Variants in TMEM132E observed in about 807,000 individuals in gnomAD.
The protein encoded by TMEM132E is transmembrane protein 132E.
A neutral mutation model predicts 78.5 loss-of-function variants in TMEM132E; 49 were observed. The ratio of observed to expected loss-of-function variants is 0.62; its 90% CI spans 0.50 to 0.79. The LOEUF (loss-of-function observed/expected upper bound fraction) is 0.79. Among genes scored for constraint, TMEM132E ranks in the 30% least tolerant of loss-of-function variants. The probability of loss-of-function intolerance (pLI) is 0.00; values close to 1 mark genes in which losing one functional copy is unlikely to be tolerated. For missense variants in TMEM132E, 1,403 were observed against 1,470.9 expected, an observed-to-expected ratio of 0.95 and a Z score of 0.75; for synonymous variants, 715 against 670.6, an observed-to-expected ratio of 1.07 and a Z score of -1.02.
intron 1 of TMEM132E, among the ~76,000 whole-genome samples, chr17:34,619,479 CTCATTCAT>C (rs112467337): frequency 2.0e-5 from 3 of 149,726 alleles, no homozygotes; most frequent in South Asian, 2.1e-4. Context: ...CATGCCCCCT[CTCATTCAT>C]TCATTCATTC....
In TMEM132E at chr17:34,637,718, T is replaced by G. The variant is rs1440943580; in HGVS notation, c.2711T>G (p.Val904Gly). 1.2e-6 allele frequency: 2 copies of G among 1,613,384 alleles called. No individual in the cohort carries two copies. The highest frequency in any genetic ancestry group is 2.2e-5 in the South Asian group (2 of 91,084). ...GGCGTCTTCTGCCTCGCCATCCTCG[T>G]CTTCCTCATCAACTGCATCGTTTTT... Reference protein sequence around the residue: ...LLGVFCLAILVFLINCIVFVL... With the variant: ...LLGVFCLAILGFLINCIVFVL... Residue 904 changes from valine to glycine, a missense_variant, in exon 9 of 9, where the codon GTC becomes GGC. By Grantham distance (109) the Val-to-Gly change is moderately radical. Coordinates refer to ENST00000631683, the MANE Select transcript of TMEM132E (RefSeq NM_001304438.2).
At chr17:34,627,093 T>C (rs777372294) in intron 2 of TMEM132E, 36 bp downstream of exon 2, 1 of 904,242 alleles carries the variant, frequency 1.1e-6, no homozygotes, top group Non-Finnish European at 1.7e-6. Context: ...TGGTTTCCCT[T>C]CCAAGATCAA....
chr17:34,611,074 A>G (rs1486114773), intron 1 of TMEM132E, among the ~76,000 whole-genome samples: 1 of 152,254 alleles, frequency 6.6e-6, no homozygotes, highest in African/African-American at 2.4e-5. Context: ...GCCTCTAGTC[A>G]TGTGAAACTG....
chr17:34,623,998 C>T (rs1907045783), intron 1 of TMEM132E, among the ~76,000 whole-genome samples: 1 of 152,220 alleles, frequency 6.6e-6, no homozygotes, highest in African/African-American at 2.4e-5. Context: ...CCAGTTGGTC[C>T]TAAGGGCTGC....
intron 1 of TMEM132E, among the ~76,000 whole-genome samples, chr17:34,584,218 G>A (rs542182233): frequency 1.6e-4 from 25 of 152,278 alleles, no homozygotes; most frequent in Admixed American, 4.6e-4. Flanking sequence ...GCCATCCTCC[G>A]TGTGCCCTAT....
At chr17:34,624,626 A>T (rs1400920184) in intron 1 of TMEM132E, among the ~76,000 whole-genome samples, 1 of 152,194 alleles carries the variant, frequency 6.6e-6, no homozygotes, top group Non-Finnish European at 1.5e-5. Context: ...GAGATAAGGC[A>T]GCAGCCGTGA....
rs145769521 is a variant in TMEM132E at position 34,598,566 on chromosome 17, C to A, written c.67+17423C>A. ...GCGGGGCCTACCCAGGACAGCCCTGCCCACCCCTGACAGAAGGCGGGATTG... is the reference window on the plus strand; with the variant it reads ...GCGGGGCCTACCCAGGACAGCCCTGACCACCCCTGACAGAAGGCGGGATTG... On this transcript the variant is annotated intron_variant, in intron 1 of 8. Transcript: ENST00000631683. 7.0e-3 allele frequency among the ~76,000 whole-genome samples: 1,062 copies of A among 152,236 alleles called. 17 individuals carry two copies. The highest frequency in any genetic ancestry group is 0.025 in the African/African-American group (1,023 of 41,548).
intron 3 of TMEM132E, 149 bp from the exon 4 acceptor site, chr17:34,628,863 T>A: frequency 7.3e-7 from 1 of 1,365,594 alleles, no homozygotes; most frequent in Non-Finnish European, 9.8e-7. Flanking sequence ...ATCCTGGGGC[T>A]GGAGCACCTC....
chr17:34,636,223 C>T, intron 8 of TMEM132E, 25 bp downstream of exon 8: 4 of 1,435,062 alleles, frequency 2.8e-6, no homozygotes, highest in East Asian at 2.7e-5. Flanking sequence ...GGCCCACCAG[C>T]CAGGGAGTTG....
At chr17:34,607,714 C>G (rs891352763) in intron 1 of TMEM132E, among the ~76,000 whole-genome samples, 11 of 151,900 alleles carry the variant, frequency 7.2e-5, no homozygotes, top group African/African-American at 2.7e-4. Flanking sequence ...TCCTCAAGTT[C>G]AATAATTTAC....
At chr17:34,595,002 G>C (rs1256056499) in intron 1 of TMEM132E, among the ~76,000 whole-genome samples, 1 of 152,234 alleles carries the variant, frequency 6.6e-6, no homozygotes, top group African/African-American at 2.4e-5. Flanking sequence ...TCAGTGCAGT[G>C]TCATCGATGC....
chr17:34,594,346 C>A (rs964002930), intron 1 of TMEM132E, among the ~76,000 whole-genome samples: 8 of 152,318 alleles, frequency 5.3e-5, no homozygotes, highest in Middle Eastern at 3.4e-3. Flanking sequence ...TGGCAGTAAC[C>A]AGAGAAAGAA....
intron 7 of TMEM132E, 121 bp downstream of exon 7, chr17:34,635,208 C>A: frequency 2.5e-6 from 3 of 1,180,734 alleles, no homozygotes; most frequent in Non-Finnish European, 3.5e-6. Context: ...CCTGCCTGCC[C>A]CTTGTCTGAA....
rs1907305683 is a variant in TMEM132E, at chr17:34,630,118, G to A, written c.1449G>A (p.Val483=). Residue 483 remains valine (V), a synonymous_variant, in exon 5 of 9, where the codon GTG becomes GTA. Coordinates refer to ENST00000631683, the MANE Select transcript of TMEM132E (RefSeq NM_001304438.2). ...NGLVLDISAL[V]ECESDNEDII... is the part of the protein sequence containing the mutation. ...TCGTCCTGGACATCTCCGCCCTAGT[G>A]GAATGCGAGTCTGACAATGAAGACA... 6.2e-7 allele frequency: 1 copy of A among 1,613,144 alleles called. No homozygotes were observed. The highest frequency in any genetic ancestry group is 1.1e-5 in the South Asian group (1 of 91,054).
chr17:34,627,101 C>A, intron 2 of TMEM132E, 44 bp downstream of exon 2: 55 of 627,300 alleles, frequency 8.8e-5, no homozygotes, highest in Non-Finnish European at 1.4e-4. Context: ...CTTCCAAGAT[C>A]AAATGCATAC....
chr17:34,613,967 A>G (rs1041311249), intron 1 of TMEM132E, among the ~76,000 whole-genome samples: 10 of 152,168 alleles, frequency 6.6e-5, no homozygotes, highest in Non-Finnish European at 1.2e-4. Context: ...CATTGTCTCC[A>G]AAAGGCCCTT....
At chr17:34,587,877 G>A (rs1597674826) in intron 1 of TMEM132E, among the ~76,000 whole-genome samples, 1 of 152,246 alleles carries the variant, frequency 6.6e-6, no homozygotes, top group African/African-American at 2.4e-5. Context: ...GCAAGGCAAA[G>A]CTGAGGCTCA....
chr17:34,637,444 T>A lies in TMEM132E; in HGVS notation c.2437T>A (p.Phe813Ile). ...GACCCCTGTGGGCCTGCGGGTGCACTTTGGGAGGGACGAGGAGGACCCCAC... is the reference window on the plus strand; with the variant it reads ...GACCCCTGTGGGCCTGCGGGTGCACATTGGGAGGGACGAGGAGGACCCCAC... ...ATTPVGLRVH[F>I]GRDEEDPTYD... Residue 813 changes from phenylalanine to isoleucine, a missense_variant, in exon 9 of 9, where the codon TTT becomes ATT. Physicochemically the swap from Phe to Ile is conservative, Grantham distance 21. Coordinates refer to ENST00000631683, the MANE Select transcript of TMEM132E (RefSeq NM_001304438.2). 13 of 1,613,152 alleles carry A rather than the reference T, an allele frequency of 8.1e-6. No homozygotes were observed. Among genetic ancestry groups the A allele is most frequent in the Non-Finnish European group, 1.0e-5 (12 of 1,179,878 alleles).
At chr17:34,633,027 T>C in intron 6 of TMEM132E, 118 bp downstream of exon 6, 3 of 1,147,590 alleles carry the variant, frequency 2.6e-6, no homozygotes, top group Admixed American at 1.9e-5. Context: ...TGTAGGTTGG[T>C]TGTGCAGTCA....
Sources: allele counts gnomAD v4.1 joint callset (sites outside exome capture counted in the v4.1 genomes callset), GRCh38; gene constraint gnomAD v4.1.1; transcripts MANE v1.5; gene names NCBI Gene and HGNC (gene_info 2026-07-23, HGNC 2026-07-21).